LRBA: variants seen among roughly 807,000 people sequenced by gnomAD.
LRBA encodes the protein lipopolysaccharide-responsive and beige-like anchor protein.
In LRBA, 176 loss-of-function variants were observed where a neutral mutation model predicts 330.0. The ratio of observed to expected loss-of-function variants is 0.53; its 90% CI spans 0.47 to 0.60. The LOEUF (loss-of-function observed/expected upper bound fraction) is 0.60. Among genes scored for constraint, LRBA ranks in the 20% least tolerant of loss-of-function variants. The probability of loss-of-function intolerance (pLI) is 0.00; values close to 1 mark genes in which losing one functional copy is unlikely to be tolerated. For missense variants in LRBA, 3,259 were observed against 3,444.8 expected (o/e 0.95, Z 1.35); for synonymous variants, 1,230 against 1,193.0 (o/e 1.03, Z -0.64).
intron 47 of LRBA, among the ~76,000 whole-genome samples, chr4:150,364,734 C>T (rs375061142): frequency 1.1e-4 from 17 of 152,032 alleles, no homozygotes; most frequent in African/African-American, 3.9e-4. Context: ...ATACTTTCAA[C>T]TTGTATTACA....
In LRBA at chr4:150,265,068, A is replaced by AG. The variant is rs1036333901; in HGVS notation, c.*653dup. ...TGTTGTGCTATGAAGATGACAGATCAGGAAAAAATGGTAACTATTTCACAC... is the reference window on the plus strand; with the variant it reads ...TGTTGTGCTATGAAGATGACAGATCAGGGAAAAAATGGTAACTATTTCACAC... On this transcript the variant is annotated 3_prime_UTR_variant, in exon 57 of 57. Coordinates refer to ENST00000651943, the MANE Select transcript of LRBA (RefSeq NM_001364905.1). 1 of 152,738 alleles carries AG rather than the reference A, an allele frequency of 6.5e-6. No homozygotes were observed. The highest frequency in any genetic ancestry group is 2.4e-5 in the African/African-American group (1 of 41,456). 9.5% of individuals were successfully genotyped at this position (152,738 alleles called of 1,614,324 possible).
intron 31 of LRBA, among the ~76,000 whole-genome samples, chr4:150,815,793 T>TAA (rs1480839392): frequency 6.6e-5 from 10 of 151,944 alleles, no homozygotes; most frequent in Admixed American, 2.6e-4. Context: ...ACTTTCTTGC[T>TAA]TTTACCATGT....
Position 150,906,362 on chromosome 4 carries a change from T to A in LRBA, c.1537A>T (p.Ile513Phe), listed in dbSNP as rs767633391. The A allele has an allele frequency of 1.2e-6, 2 of 1,612,432 alleles. No homozygotes were observed. Among genetic ancestry groups the A allele is most frequent in the Non-Finnish European group, 1.7e-6 (2 of 1,178,870 alleles). ...GCAAGCATCTGTTCCTGCATAGCAATTGAGTTCTTCAACAATTCCATGATA... is the reference window on the plus strand; with the variant it reads ...GCAAGCATCTGTTCCTGCATAGCAAATGAGTTCTTCAACAATTCCATGATA... ...AFIMELLKNS[I>F]AMQEQMLACK... The change falls in exon 12 of 57, where the codon ATT becomes TTT. Residue 513 changes from isoleucine (I) to phenylalanine (F), a missense_variant. Physicochemically the swap from Ile to Phe is conservative, Grantham distance 21. Transcript: ENST00000651943.
intron 36 of LRBA, among the ~76,000 whole-genome samples, chr4:150,686,176 G>A (rs1236397130): frequency 1.3e-5 from 2 of 152,134 alleles, no homozygotes; most frequent in Non-Finnish European, 2.9e-5. Flanking sequence ...GGGTCAATCC[G>A]AAGATTCTGG....
rs574237677 is a variant in LRBA at position 150,893,570 on chromosome 4, G to C, written c.2068-421C>G. Among the ~76,000 whole-genome samples, 13 of 152,234 alleles carry C rather than the reference G, an allele frequency of 8.5e-5. No homozygotes were observed. The East Asian group carries it at 2.1e-3, about 25-fold the overall frequency. Reference sequence around the variant, plus strand: ...TCACCATGTTGGCCAGGCTGGTCTCGAACTCTTGGCCTTAAGTGATCTGCC... The same window carrying C: ...TCACCATGTTGGCCAGGCTGGTCTCCAACTCTTGGCCTTAAGTGATCTGCC... On this transcript the variant is annotated intron_variant, in intron 16 of 56. Transcript: ENST00000651943.
intron 35 of LRBA, among the ~76,000 whole-genome samples, chr4:150,749,609 A>T (rs1399315229): frequency 1.3e-5 from 2 of 151,996 alleles, no homozygotes; most frequent in African/African-American, 4.8e-5. Flanking sequence ...AAAAAATAAT[A>T]ATAATAGCTG....
intron 2 of LRBA, among the ~76,000 whole-genome samples, chr4:150,954,614 G>A (rs1034311107): frequency 2.7e-5 from 4 of 149,988 alleles, no homozygotes; most frequent in Admixed American, 2.6e-4. Flanking sequence ...AAGTACCCAG[G>A]GACACAAACA....
At chr4:150,316,173 C>A (rs1425979538) in intron 50 of LRBA, among the ~76,000 whole-genome samples, 1 of 152,000 alleles carries the variant, frequency 6.6e-6, no homozygotes, top group African/African-American at 2.4e-5. Flanking sequence ...TAGTTAAATG[C>A]ATTTGGCTGA....
At chr4:150,761,996 A>T in intron 34 of LRBA, 149 bp from the exon 35 acceptor site, 1 of 556,132 alleles carries the variant, frequency 1.8e-6, no homozygotes. Context: ...TAATACTGAA[A>T]AGTATACTGA....
intron 34 of LRBA, among the ~76,000 whole-genome samples, chr4:150,769,539 G>A (rs1444640909): frequency 3.3e-5 from 5 of 152,140 alleles, no homozygotes; most frequent in Non-Finnish European, 7.4e-5. Context: ...ATAATTAGAA[G>A]GCAGTTAGGC....
At chr4:150,939,918 C>A (rs1340309096) in intron 2 of LRBA, among the ~76,000 whole-genome samples, 1 of 152,082 alleles carries the variant, frequency 6.6e-6, no homozygotes, top group Admixed American at 6.6e-5. Flanking sequence ...CCAGACTTCA[C>A]CATAACTCAA....
intron 30 of LRBA, among the ~76,000 whole-genome samples, chr4:150,818,557 TG>T (rs1744945926): frequency 6.6e-6 from 1 of 150,910 alleles, no homozygotes. Context: ...TGTGTGTGTG[TG>T]TGTGTGCGTG....
At chr4:150,828,922 G>GGGT (rs1491558415) in intron 29 of LRBA, among the ~76,000 whole-genome samples, 10 of 106,238 alleles carry the variant, frequency 9.4e-5, no homozygotes, top group Non-Finnish European at 1.7e-4. Flanking sequence ...CTTTTTTGGG[G>GGGT]GTGTGTGTGT....
At chr4:150,916,923 G>A (rs1385041078) in intron 5 of LRBA, among the ~76,000 whole-genome samples, 185 bp from the exon 6 acceptor site, 1 of 152,182 alleles carries the variant, frequency 6.6e-6, no homozygotes, top group Non-Finnish European at 1.5e-5. Flanking sequence ...GGAGGCCGAG[G>A]CAGGTGCATC....
chr4:150,572,128 A>C lies in LRBA; in HGVS notation c.6330+15920T>G, dbSNP rs79659710. ...TTTTTAAAATGTAAATAACCACATG[A>C]AATGCTCTGAAAGCAAAAATCAACA... On this transcript the variant is annotated intron_variant, in intron 40 of 56. Coordinates refer to ENST00000651943, the MANE Select transcript of LRBA (RefSeq NM_001364905.1). Among the ~76,000 whole-genome samples the C allele has an allele frequency of 1.2e-3, 178 of 152,236 alleles. 3 individuals are homozygous for C. In the East Asian group the frequency reaches 0.032, roughly 27 times the overall value.
chr4:150,762,188 C>A (rs62346337), intron 34 of LRBA, among the ~76,000 whole-genome samples: 14,620 of 151,780 alleles, frequency 0.096, 1,301 homozygotes, highest in African/African-American at 0.25. Flanking sequence ...TTTGTTTTTC[C>A]ATTTATTTTA....
At chr4:150,685,292 C>G (rs1014571200) in intron 36 of LRBA, among the ~76,000 whole-genome samples, 7 of 145,108 alleles carry the variant, frequency 4.8e-5, no homozygotes, top group African/African-American at 1.3e-4. Flanking sequence ...CATTGTAAAC[C>G]AGTAAAAACA....
intron 5 of LRBA, among the ~76,000 whole-genome samples, chr4:150,919,693 A>T (rs1561006318): frequency 6.6e-6 from 1 of 152,232 alleles, no homozygotes; most frequent in Non-Finnish European, 1.5e-5. Context: ...CTCTCTCACC[A>T]AAAACGATAG....
chr4:150,580,204 A>G (rs1399182117), intron 40 of LRBA: 1 of 153,476 alleles, frequency 6.5e-6, no homozygotes, highest in Non-Finnish European at 1.5e-5. Flanking sequence ...AGTTAACTAA[A>G]GCTCTGGAGT....
Sources: gnomAD v4.1 joint callset for allele counts (sites outside exome capture counted in the v4.1 genomes callset) on GRCh38, gnomAD v4.1.1 for gene constraint, MANE v1.5 for transcripts, NCBI Gene and HGNC (gene_info 2026-07-23, HGNC 2026-07-21) for gene names.